NEXMIF: variants seen among roughly 807,000 people sequenced by gnomAD.
NEXMIF encodes the protein XLMR protein related to neurite extension.
In NEXMIF, 8 loss-of-function variants were observed where a neutral mutation model predicts 62.1. The ratio of observed to expected loss-of-function variants is 0.13; its 90% CI spans 0.08 to 0.23. The LOEUF (loss-of-function observed/expected upper bound fraction) is 0.23, where lower values mean the gene tolerates loss of function less well. NEXMIF is among the 10% of genes least tolerant of loss of function. NEXMIF has a pLI of 1.00. For synonymous variants in NEXMIF, 404 were observed against 416.6 expected (o/e 0.97, Z 0.37); for missense variants, 976 against 1,113.3 (o/e 0.88, Z 1.75).
intron 1 of NEXMIF, among the ~76,000 whole-genome samples, chrX:74,816,161 T>C (rs1002708215): frequency 8.9e-6 from 1 of 112,074 alleles, no homozygotes; most frequent in African/African-American, 3.2e-5. Flanking sequence ...AACCTCTTTC[T>C]TTCTTTAAAC....
Position 74,864,674 on chromosome X carries a change from C to T in NEXMIF, c.-48+60209G>A, listed in dbSNP as rs139132940. On this transcript the variant is annotated intron_variant, in intron 1 of 3. Coordinates refer to ENST00000055682, the MANE Select transcript of NEXMIF (RefSeq NM_001008537.3). ...CATGGGGAACTGTGAGTCCATTAAACCTTTTTCCTTTATAAATTACCCAGT... is the reference window on the plus strand; with the variant it reads ...CATGGGGAACTGTGAGTCCATTAAATCTTTTTCCTTTATAAATTACCCAGT... Among the ~76,000 whole-genome samples the T allele has an allele frequency of 4.5e-3, 503 of 111,744 alleles. 2 individuals are homozygous for T. Among genetic ancestry groups the T allele is most frequent in the African/African-American group, 0.016 (478 of 30,796 alleles).
chrX:74,798,983 A>T (rs1227623765), intron 1 of NEXMIF, among the ~76,000 whole-genome samples: 1 of 110,391 alleles, frequency 9.1e-6, no homozygotes. Context: ...AAAAAAGATG[A>T]CAGTGAAACA....
At chrX:74,811,869 G>A (rs2080361555) in intron 1 of NEXMIF, among the ~76,000 whole-genome samples, 1 of 113,081 alleles carries the variant, frequency 8.8e-6, no homozygotes, top group South Asian at 3.6e-4. Flanking sequence ...CTGTAGACAG[G>A]AAATCTCTGT....
chrX:74,762,534 G>A (rs776290571), intron 1 of NEXMIF, among the ~76,000 whole-genome samples: 53 of 111,675 alleles, frequency 4.7e-4, no homozygotes, highest in Non-Finnish European at 7.7e-4. Context: ...CTGAGGAATC[G>A]CCACACTGTC....
chrX:74,888,047 C>T (rs1267587791), intron 1 of NEXMIF, among the ~76,000 whole-genome samples: 1 of 109,711 alleles, frequency 9.1e-6, no homozygotes, highest in East Asian at 2.9e-4. Context: ...GGACAAAAAA[C>T]CAAACACGGC....
At chrX:74,864,706 T>A (rs959744853) in intron 1 of NEXMIF, among the ~76,000 whole-genome samples, 28 of 110,374 alleles carry the variant, frequency 2.5e-4, no homozygotes, top group African/African-American at 9.2e-4. Flanking sequence ...CAGTCTCAGG[T>A]ATTTCTTTTT....
At chrX:74,845,169 G>C (rs765499827) in intron 1 of NEXMIF, among the ~76,000 whole-genome samples, 6 of 111,296 alleles carry the variant, frequency 5.4e-5, no homozygotes, top group Non-Finnish European at 1.1e-4. Context: ...AGTAATACAT[G>C]CTGAGTGGCA....
chrX:74,818,909 T>A (rs933944628), intron 1 of NEXMIF, among the ~76,000 whole-genome samples: 2 of 111,433 alleles, frequency 1.8e-5, no homozygotes, highest in African/African-American at 6.5e-5. Flanking sequence ...TGAGATACCC[T>A]CTCAGACCAG....
chrX:74,871,869 C>A (rs2080602567), intron 1 of NEXMIF, among the ~76,000 whole-genome samples: 1 of 111,525 alleles, frequency 9.0e-6, no homozygotes, highest in Admixed American at 9.6e-5. Context: ...AATCAGATTT[C>A]ATATTGTTGA....
At chrX:74,816,220 A>G (rs1487522067) in intron 1 of NEXMIF, among the ~76,000 whole-genome samples, 1 of 111,790 alleles carries the variant, frequency 8.9e-6, no homozygotes, top group Non-Finnish European at 1.9e-5. Context: ...GTTACTTTAT[A>G]TTGTTTTTCT....
In NEXMIF at chrX:74,894,440, C is replaced by G. The variant is rs189760684; in HGVS notation, c.-48+30443G>C. The stretch of plus-strand genomic sequence containing the variant: ...GCAACTATTATCAATCTTACTCAGA[C>G]TATGCCAAAAAATAAAGGAGGAAGG... On this transcript the variant is annotated intron_variant, in intron 1 of 3. Coordinates refer to ENST00000055682, the MANE Select transcript of NEXMIF (RefSeq NM_001008537.3). 6.3e-5 allele frequency among the ~76,000 whole-genome samples: 7 copies of G among 111,822 alleles called. No homozygotes were observed. The East Asian group carries it at 2.0e-3, about 31-fold the overall frequency.
rs141874937 is a variant in NEXMIF, at chrX:74,922,228, G to A, written c.-48+2655C>T. On this transcript the variant is annotated intron_variant, in intron 1 of 3. Transcript: ENST00000055682. ...TCTCTGCTCACCAGGTAGCTTACAG[G>A]TAACCAGAAGATTGTGGAAAAAAGA... Among the ~76,000 whole-genome samples, 41 of 111,560 alleles carry A rather than the reference G, an allele frequency of 3.7e-4. No homozygotes were observed. The East Asian group carries it at 0.012, about 32-fold the overall frequency.
At chrX:74,809,422 C>T (rs1384456292) in intron 1 of NEXMIF, among the ~76,000 whole-genome samples, 3 of 111,914 alleles carry the variant, frequency 2.7e-5, no homozygotes, top group Non-Finnish European at 5.6e-5. Flanking sequence ...TGATCCTGCA[C>T]TCATAGGAAA....
At chrX:74,854,557 G>A (rs1180174601) in intron 1 of NEXMIF, among the ~76,000 whole-genome samples, 1 of 111,790 alleles carries the variant, frequency 8.9e-6, no homozygotes, top group Admixed American at 9.5e-5. Flanking sequence ...ACTTGGCTAG[G>A]TCTTTCTGTA....
intron 1 of NEXMIF, among the ~76,000 whole-genome samples, chrX:74,757,543 T>C (rs1342412368): frequency 8.9e-6 from 1 of 112,140 alleles, no homozygotes; most frequent in Non-Finnish European, 1.9e-5. Flanking sequence ...TGTCCTGTCC[T>C]TCAATATTCT....
chrX:74,905,521 A>G, intron 1 of NEXMIF, among the ~76,000 whole-genome samples: 1 of 112,520 alleles, frequency 8.9e-6, no homozygotes, highest in Non-Finnish European at 1.9e-5. Context: ...TTCAAAATAA[A>G]GACAAACGTC....
chrX:74,817,489 C>A (rs188245911), intron 1 of NEXMIF, among the ~76,000 whole-genome samples: 1 of 111,786 alleles, frequency 8.9e-6, no homozygotes, highest in Admixed American at 9.5e-5. Context: ...GTCAGGAAGA[C>A]CTTAATAATC....
At chrX:74,789,264 G>A (rs1234293951) in intron 1 of NEXMIF, among the ~76,000 whole-genome samples, 1 of 105,971 alleles carries the variant, frequency 9.4e-6, no homozygotes, top group Non-Finnish European at 1.9e-5. Flanking sequence ...TGAGAATGAT[G>A]TTTTCCAATT....
chrX:74,747,813 G>A (rs1053883552), intron 1 of NEXMIF, among the ~76,000 whole-genome samples: 11 of 110,824 alleles, frequency 9.9e-5, no homozygotes, highest in East Asian at 2.8e-4. Context: ...ATGGGATTTC[G>A]CCATGTTGGC....
Sources: gnomAD v4.1 joint callset for allele counts (sites outside exome capture counted in the v4.1 genomes callset) on GRCh38, gnomAD v4.1.1 for gene constraint, MANE v1.5 for transcripts, NCBI Gene and HGNC (gene_info 2026-07-23, HGNC 2026-07-21) for gene names.